GRB7: variants seen among roughly 807,000 people sequenced by gnomAD.
GRB7 encodes the protein growth factor receptor-bound protein 7.
A neutral mutation model predicts 64.1 loss-of-function variants in GRB7; 47 were observed. The ratio of observed to expected loss-of-function variants is 0.73; its 90% CI spans 0.58 to 0.94. The LOEUF is 0.94. GRB7 is among the 40% of genes least tolerant of loss of function. The pLI is 0.00. For missense variants in GRB7, 634 were observed against 718.4 expected (o/e 0.88, Z 1.34); for synonymous variants, 277 against 279.9 (o/e 0.99, Z 0.10).
At chr17:39,739,045 C>T in intron 1 of GRB7, 3 of 930,156 alleles carry the variant, frequency 3.2e-6, no homozygotes, top group Non-Finnish European at 4.7e-6. Context: ...CAGATGGTTT[C>T]TTCTGCTTGA....
At chr17:39,740,044 C>A in intron 1 of GRB7, 2 of 985,440 alleles carry the variant, frequency 2.0e-6, no homozygotes, top group Non-Finnish European at 2.4e-6. Context: ...TACTTCTAAC[C>A]CCTTCCAAGC....
intron 6 of GRB7, 104 bp from the exon 7 acceptor site, chr17:39,743,966 G>A (rs555837751): frequency 1.4e-5 from 21 of 1,462,106 alleles, no homozygotes; most frequent in Non-Finnish European, 1.9e-5. Context: ...GCACTAGCAT[G>A]AGACCCTGTC....
chr17:39,744,505 G>C (rs760931287), intron 7 of GRB7, 48 bp from the exon 8 acceptor site: 1 of 1,471,956 alleles, frequency 6.8e-7, no homozygotes. Flanking sequence ...GGAGGTAATA[G>C]TGGGCGGGAT....
chr17:39,743,168 C>T lies in GRB7; in HGVS notation c.464-12C>T. Reference sequence around the variant, plus strand: ...ATCTCCAATAACCCCTGCTTTTTGCCCTTGTCCCCAGAGCGGGGTTTGGAG... The same window carrying T: ...ATCTCCAATAACCCCTGCTTTTTGCTCTTGTCCCCAGAGCGGGGTTTGGAG... On this transcript the variant is annotated splice_polypyrimidine_tract_variant and intron_variant, in intron 4 of 14. Transcript: ENST00000309156. The T allele has an allele frequency of 6.2e-7, 1 of 1,611,098 alleles. No individual in the cohort carries two copies. Among genetic ancestry groups the T allele is most frequent in the Non-Finnish European group, 8.5e-7 (1 of 1,179,136 alleles).
In GRB7 at chr17:39,742,368, AC is replaced by A; in HGVS notation, c.71del (p.Pro24LeufsTer16). On this transcript the variant is annotated frameshift_variant, in exon 2 of 15. Transcript: ENST00000309156. LOFTEE classifies it high-confidence loss of function. Reference sequence around the variant, plus strand: ...GGAAGACCTTTGCCCAGCCCCTGGGACCCCTCCTGGGACTCCCCGGCCCCCT... The same window carrying A: ...GGAAGACCTTTGCCCAGCCCCTGGGACCCTCCTGGGACTCCCCGGCCCCCT... The part of the protein sequence containing the change: ...SPEDLCPAPG[T>X]PPGTPRPPDT... 2 of 1,613,660 alleles carry A rather than the reference AC, an allele frequency of 1.2e-6. No homozygotes were observed. Among genetic ancestry groups the A allele is most frequent in the Non-Finnish European group, 1.7e-6 (2 of 1,179,830 alleles).
Position 39,744,303 on chromosome 17 carries a change from TG to T in GRB7, c.801+99del, listed in dbSNP as rs1028095403. On this transcript the variant is annotated intron_variant, in intron 7 of 14. Coordinates refer to ENST00000309156, the MANE Select transcript of GRB7 (RefSeq NM_005310.5). Reference sequence around the variant, plus strand: ...TGGAACCTCTGAGCCCTTCTCCCCCTGGGCCCCCCAGGCCAGCCACCTCCAG... The same window carrying T: ...TGGAACCTCTGAGCCCTTCTCCCCCTGGCCCCCCAGGCCAGCCACCTCCAG... 10 of 1,472,176 alleles carry T rather than the reference TG, an allele frequency of 6.8e-6. No individual in the cohort carries two copies. The African/African-American group carries it at 1.4e-4, about 21-fold the overall frequency. The allele number at this position is 1,472,176 out of a possible 1,614,324, so 91.2% of individuals were successfully genotyped here.
rs142103217 is a variant in GRB7, at chr17:39,742,468, C to T, written c.155+12C>T. The T allele has an allele frequency of 3.6e-4, 578 of 1,613,190 alleles. 5 individuals are homozygous for T. The African/African-American group carries it at 5.7e-3, about 16-fold the overall frequency. On this transcript the variant is annotated intron_variant, in intron 2 of 14. Transcript: ENST00000309156. ...CCAACCACCGGCAGGTACGATGGGG[C>T]GTGGGGCTTGGGGGAGGTCAGTGCT... is the stretch of plus-strand genomic sequence containing the variant.
At chr17:39,743,702 C>T (rs1358599308) in intron 6 of GRB7, 4 of 587,014 alleles carry the variant, frequency 6.8e-6, no homozygotes, top group Admixed American at 3.0e-5. Context: ...GGGCTGGGCA[C>T]GGTGGCTCAT....
Position 39,747,236 on chromosome 17 carries a change from T to C in GRB7, c.*339T>C. The C allele has an allele frequency of 3.1e-6, 1 of 326,984 alleles. No individual in the cohort carries two copies. 20.3% of individuals were successfully genotyped at this position (326,984 alleles called of 1,614,324 possible). On this transcript the variant is annotated 3_prime_UTR_variant, in exon 15 of 15. Coordinates refer to ENST00000309156, the MANE Select transcript of GRB7 (RefSeq NM_005310.5). ...ACTTTGTACAGACCGAGAGGCCAGT[T>C]GATCTGCTCTGTTTTATACTAGTGA...
At position 39,742,312 on chromosome 17, in the gene GRB7, A is replaced by G; in HGVS notation, c.11A>G (p.Asp4Gly). MEL[D>G]LSPPHLSSSP... is the part of the protein sequence containing the mutation. ...TCTTGCTCAGACGCCATGGAGCTGG[A>G]TCTGTCTCCACCTCATCTTAGCAGC... Residue 4 changes from aspartate to glycine, a missense_variant, in exon 2 of 15, where the codon GAT becomes GGT. By Grantham distance (94) the Asp-to-Gly change is moderately conservative. This residue lies in a region of GRB7 where 167 missense variants were observed against 141.9 expected (regional missense o/e 1.18). Transcript: ENST00000309156. The G allele has an allele frequency of 6.2e-7, 1 of 1,614,098 alleles. No homozygotes were observed. The highest frequency in any genetic ancestry group is 8.5e-7 in the Non-Finnish European group (1 of 1,179,992).
Position 39,743,017 on chromosome 17 carries a change from C to G in GRB7, c.426C>G (p.Thr142=). Residue 142 remains threonine, a synonymous_variant, in exon 4 of 15, where the codon ACC becomes ACG. Coordinates refer to ENST00000309156, the MANE Select transcript of GRB7 (RefSeq NM_005310.5). ...GAGCTCACGCCTTGAGCGACGAGAC[C>G]TGGGGGCTGGTGGAGTGCCACCCCC... is the stretch of plus-strand genomic sequence containing the variant. The part of the protein sequence containing the change: ...VQRAHALSDE[T]WGLVECHPHL... The G allele has an allele frequency of 6.2e-7, 1 of 1,611,174 alleles. No individual in the cohort carries two copies. The highest frequency in any genetic ancestry group is 8.5e-7 in the Non-Finnish European group (1 of 1,178,224).
chr17:39,746,118 G>T lies in GRB7; in HGVS notation c.1368G>T (p.Leu456=). Residue 456 remains leucine (L), a synonymous_variant, in exon 14 of 15, where the codon CTG becomes CTT. Coordinates refer to ENST00000309156, the MANE Select transcript of GRB7 (RefSeq NM_005310.5). ...GQQGLVDGLF[L]VRESQRNPQG... is the part of the protein sequence containing the mutation. The stretch of plus-strand genomic sequence containing the variant: ...TCCTGTCTTCTGGCAGCCTGTTCCT[G>T]GTCCGGGAGAGTCAGCGGAACCCCC... The T allele has an allele frequency of 3.7e-6, 6 of 1,614,074 alleles. No homozygotes were observed. Among genetic ancestry groups the T allele is most frequent in the Non-Finnish European group, 5.1e-6 (6 of 1,179,966 alleles).
intron 5 of GRB7, 27 bp downstream of exon 5, chr17:39,743,328 C>T (rs1390225941): frequency 6.2e-7 from 1 of 1,614,060 alleles, no homozygotes; most frequent in Non-Finnish European, 8.5e-7. Flanking sequence ...TGTCTGGGCG[C>T]TGGGATGCCC....
rs2060015242 is a variant in GRB7, at chr17:39,743,461, C to A, written c.654C>A (p.Asp218Glu). The A allele has an allele frequency of 6.8e-6, 11 of 1,613,992 alleles. No homozygotes were observed. The highest frequency in any genetic ancestry group is 9.3e-6 in the Non-Finnish European group (11 of 1,179,864). Residue 218 changes from aspartate to glutamate, a missense_variant, in exon 6 of 15, where the codon GAC (aspartate) becomes GAA (glutamate). By Grantham distance (45) the Asp-to-Glu change is conservative. Coordinates refer to ENST00000309156, the MANE Select transcript of GRB7 (RefSeq NM_005310.5). ...LDAHTGISHE[D>E]LIQNFLNAGS... ...CACACACTGGTATATCCCATGAAGACCTCATCCAGGTGGGGGGACCCCCCA... is the reference window on the plus strand; with the variant it reads ...CACACACTGGTATATCCCATGAAGAACTCATCCAGGTGGGGGGACCCCCCA...
intron 1 of GRB7, among the ~76,000 whole-genome samples, chr17:39,741,503 G>T (rs2059993889): frequency 6.6e-6 from 1 of 152,248 alleles, no homozygotes; most frequent in Non-Finnish European, 1.5e-5. Flanking sequence ...ACCTCGCCAA[G>T]TATGAACAGG....
Position 39,743,215 on chromosome 17 carries a change from G to A in GRB7, c.499G>A (p.Val167Met). 2 of 1,614,204 alleles carry A rather than the reference G, an allele frequency of 1.2e-6. No individual in the cohort carries two copies. The highest frequency in any genetic ancestry group is 1.7e-6 in the Non-Finnish European group (2 of 1,180,032). Reference protein sequence around the residue: ...GLEDHESVVEVQAAWPVGGDS... With the variant: ...GLEDHESVVEMQAAWPVGGDS... ...GGAGGACCACGAGTCCGTGGTGGAA[G>A]TGCAGGCTGCCTGGCCCGTGGGCGG... The change falls in exon 5 of 15, where the codon GTG (valine) becomes ATG (methionine). Residue 167 changes from valine (V) to methionine (M), a missense_variant. Val to Met is a conservative substitution (Grantham distance 21). This residue lies in a region of GRB7 where 467 missense variants were observed against 576.6 expected (regional missense o/e 0.81). Transcript: ENST00000309156.
chr17:39,743,272 G>T lies in GRB7; in HGVS notation c.556G>T (p.Ala186Ser). ...CCGCTTCGTCTTCCGGAAAAACTTCGCCAAGTACGAACTGTTCAAGAGCTC... is the reference window on the plus strand; with the variant it reads ...CCGCTTCGTCTTCCGGAAAAACTTCTCCAAGTACGAACTGTTCAAGAGCTC... ...DSRFVFRKNFAKYELFKSSPH... is the reference protein window; with the variant it reads ...DSRFVFRKNFSKYELFKSSPH... Residue 186 changes from alanine to serine, a missense_variant, in exon 5 of 15, where the codon GCC becomes TCC. Around this residue, in one of 2 missense-constraint regions of GRB7, gnomAD observed 467 missense variants for 576.6 expected, o/e 0.81. Transcript: ENST00000309156. 6.2e-7 allele frequency: 1 copy of T among 1,614,180 alleles called. No homozygotes were observed. The highest frequency in any genetic ancestry group is 8.5e-7 in the Non-Finnish European group (1 of 1,180,028).
At chr17:39,738,888 A>T (rs1194834201) in intron 1 of GRB7, 2 of 1,534,250 alleles carry the variant, frequency 1.3e-6, no homozygotes, top group Admixed American at 3.9e-5. Context: ...TCTCAGCAAC[A>T]CCGCCTCCGG....
chr17:39,745,150 C>T, intron 9 of GRB7, 93 bp from the exon 10 acceptor site: 1 of 1,232,852 alleles, frequency 8.1e-7, no homozygotes, highest in Non-Finnish European at 1.2e-6. Context: ...GAAACACAGC[C>T]CTGGTCTGGG....
Sources: gnomAD v4.1 joint callset for allele counts (sites outside exome capture counted in the v4.1 genomes callset) on GRCh38, gnomAD v4.1.1 for gene constraint, gnomAD v4.1.1 regional missense constraint, MANE v1.5 for transcripts, NCBI Gene and HGNC (gene_info 2026-07-23, HGNC 2026-07-21) for gene names.